The following FILIP1 variants were observed in gnomAD, a reference collection of about 807,000 sequenced individuals.
FILIP1 encodes filamin-A-interacting protein 1.
FILIP1 carries 61 observed loss-of-function variants against 102.1 expected under a neutral mutation model. That is an observed-to-expected ratio of 0.60 (90% CI 0.49 to 0.74). FILIP1 has a LOEUF of 0.74. Ranked by LOEUF, FILIP1 falls within the 30% of genes least tolerant of loss-of-function variation. The pLI is 0.00. For synonymous variants in FILIP1, 491 were observed against 526.9 expected, an observed-to-expected ratio of 0.93 and a Z score of 0.93; for missense variants, 1,314 against 1,441.2, an observed-to-expected ratio of 0.91 and a Z score of 1.43.
Position 75,414,861 on chromosome 6 carries a change from T to C in FILIP1, c.112A>G (p.Lys38Glu). The change falls in exon 2 of 6, where the codon AAG (lysine) becomes GAG (glutamate). Residue 38 changes from lysine (K) to glutamate (E), a missense_variant. Coordinates refer to ENST00000237172, the MANE Select transcript of FILIP1 (RefSeq NM_015687.5). Reference protein sequence around the residue: ...GEKSLSEDAKKKKKSNRKEDD... With the variant: ...GEKSLSEDAKEKKKSNRKEDD... ...TCCTTCCTATTTGATTTCTTCTTCT[T>C]TTTTGCATCTTCTGAGAGACTTTTT... 1.2e-6 allele frequency: 2 copies of C among 1,613,954 alleles called. No individual in the cohort carries two copies. Among genetic ancestry groups the C allele is most frequent in the Non-Finnish European group, 1.7e-6 (2 of 1,179,892 alleles).
intron 2 of FILIP1, among the ~76,000 whole-genome samples, chr6:75,366,426 A>G (rs1775338639): frequency 6.6e-6 from 1 of 152,220 alleles, no homozygotes; most frequent in South Asian, 2.1e-4. Flanking sequence ...TAGGAATAAA[A>G]TTTTTATCAT....
At chr6:75,363,252 G>A (rs1396583519) in intron 2 of FILIP1, among the ~76,000 whole-genome samples, 2 of 152,288 alleles carry the variant, frequency 1.3e-5, no homozygotes, top group South Asian at 2.1e-4. Flanking sequence ...CTGTTCCAGT[G>A]CACATGAGGT....
chr6:75,308,577 A>G lies in FILIP1; in HGVS notation c.*114T>C. Reference sequence around the variant, plus strand: ...ATGGTTATTAGTTGGTTATTTTATAAACACAATATTTAAAACTTAAATTAG... The same window carrying G: ...ATGGTTATTAGTTGGTTATTTTATAGACACAATATTTAAAACTTAAATTAG... On this transcript the variant is annotated 3_prime_UTR_variant, in exon 6 of 6. Coordinates refer to ENST00000237172, the MANE Select transcript of FILIP1 (RefSeq NM_015687.5). 2.0e-6 allele frequency: 3 copies of G among 1,516,008 alleles called. No homozygotes were observed. Among genetic ancestry groups the G allele is most frequent in the Non-Finnish European group, 2.6e-6 (3 of 1,137,814 alleles). The allele number at this position is 1,516,008 out of a possible 1,614,324, so 93.9% of individuals were successfully genotyped here.
chr6:75,481,978 C>T (rs1779660330), intron 1 of FILIP1, among the ~76,000 whole-genome samples: 1 of 152,142 alleles, frequency 6.6e-6, no homozygotes, highest in Non-Finnish European at 1.5e-5. Context: ...AAAAACAAGA[C>T]CTCTGTTTTT....
chr6:75,468,635 T>C (rs1779242392), intron 1 of FILIP1, among the ~76,000 whole-genome samples: 1 of 152,084 alleles, frequency 6.6e-6, no homozygotes, highest in African/African-American at 2.4e-5. Context: ...TTATGTAAAA[T>C]AGACTCAAAT....
At chr6:75,420,281 A>T (rs930606050) in intron 1 of FILIP1, among the ~76,000 whole-genome samples, 9 of 151,940 alleles carry the variant, frequency 5.9e-5, no homozygotes, top group Non-Finnish European at 1.2e-4. Context: ...GCCCAGAAAA[A>T]TTTCCAGAAA....
chr6:75,305,612 G>T (rs1389161187), downstream of FILIP1, among the ~76,000 whole-genome samples: 1 of 152,178 alleles, frequency 6.6e-6, no homozygotes, highest in Non-Finnish European at 1.5e-5. Context: ...GTAAAAAAAT[G>T]ATAAACACTC....
At chr6:75,415,534 A>AG (rs1562568932) in intron 1 of FILIP1, among the ~76,000 whole-genome samples, 1 of 108,746 alleles carries the variant, frequency 9.2e-6, no homozygotes, top group Non-Finnish European at 2.0e-5. Flanking sequence ...CACAGTGTGG[A>AG]AAAAAAAAAA....
intron 2 of FILIP1, among the ~76,000 whole-genome samples, chr6:75,369,005 A>G (rs2149621599): frequency 6.6e-6 from 1 of 152,318 alleles, no homozygotes; most frequent in Middle Eastern, 3.4e-3. Flanking sequence ...GCACTTGGAA[A>G]TCACTGCTCT....
At chr6:75,440,517 C>G (rs144544445) in intron 1 of FILIP1, among the ~76,000 whole-genome samples, 25 of 152,284 alleles carry the variant, frequency 1.6e-4, no homozygotes, top group African/African-American at 6.0e-4. Flanking sequence ...TGCTGAGACC[C>G]GTCTACAAAG....
At chr6:75,420,783 T>C (rs551083479) in intron 1 of FILIP1, among the ~76,000 whole-genome samples, 1 of 152,192 alleles carries the variant, frequency 6.6e-6, no homozygotes, top group Non-Finnish European at 1.5e-5. Context: ...GTTCTCTGTA[T>C]TAATTACTTG....
At chr6:75,346,850 G>A (rs989310973) in intron 4 of FILIP1, among the ~76,000 whole-genome samples, 1 of 152,182 alleles carries the variant, frequency 6.6e-6, no homozygotes, top group African/African-American at 2.4e-5. Context: ...ATGGAAGGTG[G>A]AGTTTGATTC....
At chr6:75,345,721 C>G (rs1386155039) in intron 4 of FILIP1, among the ~76,000 whole-genome samples, 2 of 152,108 alleles carry the variant, frequency 1.3e-5, no homozygotes, top group Non-Finnish European at 2.9e-5. Context: ...CCGTCTTTTC[C>G]TTTTTGGACA....
Position 75,312,770 on chromosome 6 carries a change from A to T in FILIP1, c.3062T>A (p.Ile1021Asn). ...TVSTSAAPAE[I>N]AVSPESQEMP... Reference sequence around the variant, plus strand: ...TTCCTGGGATTCGGGAGAAACTGCAATCTCAGCTGGTGCTGCTGATGTAGA... The same window carrying T: ...TTCCTGGGATTCGGGAGAAACTGCATTCTCAGCTGGTGCTGCTGATGTAGA... Residue 1021 changes from isoleucine to asparagine, a missense_variant, in exon 5 of 6, where the codon ATT becomes AAT. Coordinates refer to ENST00000237172, the MANE Select transcript of FILIP1 (RefSeq NM_015687.5). The T allele has an allele frequency of 6.2e-7, 1 of 1,614,194 alleles. No individual in the cohort carries two copies. Among genetic ancestry groups the T allele is most frequent in the Non-Finnish European group, 8.5e-7 (1 of 1,180,040 alleles).
At chr6:75,430,285 T>C (rs1185698996) in intron 1 of FILIP1, among the ~76,000 whole-genome samples, 1 of 152,192 alleles carries the variant, frequency 6.6e-6, no homozygotes, top group African/African-American at 2.4e-5. Flanking sequence ...TGTTTATAAA[T>C]TACCCAGTCT....
chr6:75,486,906 A>G (rs1779805140), intron 1 of FILIP1, among the ~76,000 whole-genome samples: 1 of 151,966 alleles, frequency 6.6e-6, no homozygotes, highest in South Asian at 2.1e-4. Flanking sequence ...TATTATTATT[A>G]TTACTTATGG....
At chr6:75,486,609 T>C (rs1250211981) in intron 1 of FILIP1, among the ~76,000 whole-genome samples, 2 of 152,134 alleles carry the variant, frequency 1.3e-5, no homozygotes, top group Non-Finnish European at 2.9e-5. Context: ...GTTGAAACTA[T>C]CGAATAGATA....
intron 1 of FILIP1, among the ~76,000 whole-genome samples, chr6:75,492,103 T>G (rs1779977465): frequency 6.6e-6 from 1 of 152,232 alleles, no homozygotes; most frequent in Admixed American, 6.5e-5. Context: ...AGAGTGCATT[T>G]TGCACTATTA....
chr6:75,455,088 G>A (rs915468030), intron 1 of FILIP1: 1 of 151,554 alleles, frequency 6.6e-6, no homozygotes, highest in Non-Finnish European at 1.5e-5. Context: ...CTAATCCTGT[G>A]GCACCACAAA....
Sources: allele counts gnomAD v4.1 joint callset (sites outside exome capture counted in the v4.1 genomes callset), GRCh38; gene constraint gnomAD v4.1.1; transcripts MANE v1.5; gene names NCBI Gene and HGNC (gene_info 2026-07-23, HGNC 2026-07-21).